DHH: variants seen among roughly 807,000 people sequenced by gnomAD.
DHH encodes the protein desert hedgehog signaling molecule.
Under a neutral mutation model 27.6 loss-of-function variants are expected in DHH, and 16 were observed. The ratio of observed to expected loss-of-function variants is 0.58; its 90% CI spans 0.39 to 0.88. The LOEUF is 0.88. Among genes scored for constraint, DHH ranks in the 40% least tolerant of loss-of-function variants. The pLI is 0.00. For missense variants in DHH, 436 were observed against 563.1 expected (o/e 0.77, Z 2.28); for synonymous variants, 289 against 263.4 (o/e 1.10, Z -0.94).
Position 49,089,068 on chromosome 12 carries a change from G to C in DHH, c.*791C>G, listed in dbSNP as rs2120818057. On this transcript the variant is annotated 3_prime_UTR_variant, in exon 3 of 3. Coordinates refer to ENST00000649637, the MANE Select transcript of DHH (RefSeq NM_021044.4). The stretch of plus-strand genomic sequence containing the variant: ...GGACCAGGACTACTGGCTAACAATA[G>C]GGGACTAGATGCTTTGAGTATCAGT... Among the ~76,000 whole-genome samples, 1 of 152,344 alleles carries C rather than the reference G, an allele frequency of 6.6e-6. No individual in the cohort carries two copies. Among genetic ancestry groups the C allele is most frequent in the African/African-American group, 2.4e-5 (1 of 41,588 alleles).
In DHH at chr12:49,090,600, G is replaced by A; in HGVS notation, c.566-116C>T. On this transcript the variant is annotated intron_variant, in intron 2 of 2. Transcript: ENST00000649637. The surrounding 1 kb of genome is among the most constrained non-coding windows in gnomAD (Gnocchi z 5.2). ...AACACAATTTTCCGTTAATCTGACT[G>A]GCCCCAACCTGGGCAGAAAAGGAAG... The A allele has an allele frequency of 7.2e-7, 1 of 1,389,130 alleles. No individual in the cohort carries two copies. The highest frequency in any genetic ancestry group is 1.3e-5 in the South Asian group (1 of 77,846). 86.1% of individuals were successfully genotyped at this position (1,389,130 alleles called of 1,614,324 possible).
At chr12:49,094,073 C>A (rs974565134) in intron 1 of DHH, 137 bp downstream of exon 1, 13 of 993,196 alleles carry the variant, frequency 1.3e-5, no homozygotes, top group African/African-American at 8.1e-5. Context: ...ATTTTTCCCC[C>A]CCCTGGGGCT....
intron 1 of DHH, chr12:49,092,975 T>C (rs950960396): frequency 1.3e-5 from 2 of 152,170 alleles, no homozygotes; most frequent in Admixed American, 1.3e-4. Flanking sequence ...CCTAACAAAG[T>C]AACCTGGAAA....
rs1027317156 is a variant in DHH, at chr12:49,089,188, C to A, written c.*671G>T. 2.0e-5 allele frequency among the ~76,000 whole-genome samples: 3 copies of A among 152,250 alleles called. No homozygotes were observed. The East Asian group carries it at 5.8e-4, about 29-fold the overall frequency. On this transcript the variant is annotated 3_prime_UTR_variant, in exon 3 of 3. Coordinates refer to ENST00000649637, the MANE Select transcript of DHH (RefSeq NM_021044.4). ...CTGGGACAACCCTGGACCCTTCAGC[C>A]GCAGGAGCGAAATGCTGGTCCTCTC... is the stretch of plus-strand genomic sequence containing the variant.
In DHH at chr12:49,094,695, G is replaced by T; in HGVS notation, c.-183C>A. ...CTGCCCACGTGCCCCGGGAGCGGGC[G>T]GGGGGTGTCTAGGACCTGCTACTGA... On this transcript the variant is annotated 5_prime_UTR_variant, in exon 1 of 3. Coordinates refer to ENST00000649637, the MANE Select transcript of DHH (RefSeq NM_021044.4). The T allele has an allele frequency of 1.3e-6, 1 of 752,282 alleles. No homozygotes were observed. The highest frequency in any genetic ancestry group is 2.2e-6 in the Non-Finnish European group (1 of 448,068). The allele number at this position is 752,282 out of a possible 1,614,324, so 46.6% of individuals were successfully genotyped here.
chr12:49,092,677 G>T, intron 1 of DHH, among the ~76,000 whole-genome samples: 1 of 152,240 alleles, frequency 6.6e-6, no homozygotes, highest in East Asian at 1.9e-4. Context: ...AGGCCCCGAG[G>T]CCCTGACCTG....
chr12:49,091,303 G>A lies in DHH; in HGVS notation c.390C>T (p.Asp130=). ...AATCCTGAGCGTGGTGGCCGTCCTCGTCCCAGCCCTCAGTCACTCGTAGGC... is the reference window on the plus strand; with the variant it reads ...AATCCTGAGCGTGGTGGCCGTCCTCATCCCAGCCCTCAGTCACTCGTAGGC... ...GVRLRVTEGW[D]EDGHHAQDSL... The change falls in exon 2 of 3, where the codon GAC becomes GAT. Residue 130 remains aspartate (D), a synonymous_variant. Transcript: ENST00000649637. This position sits in a 1 kb window ranked among gnomAD's most constrained non-coding sequence, Gnocchi z 4.8. The A allele has an allele frequency of 6.2e-7, 1 of 1,614,184 alleles. No individual in the cohort carries two copies. The highest frequency in any genetic ancestry group is 8.5e-7 in the Non-Finnish European group (1 of 1,180,042).
Position 49,094,430 on chromosome 12 carries a change from C to CCCCGG in DHH, c.78_82dup (p.Gly28AlafsTer73). The CCCCGG allele has an allele frequency of 1.2e-6, 2 of 1,606,078 alleles. No homozygotes were observed. Among genetic ancestry groups the CCCCGG allele is most frequent in the East Asian group, 2.2e-5 (1 of 44,524 alleles). ...CGCATAGCGGCGCCGGCCAACCGGC[C>CCCCGG]CCCGGCCCGGCCCGCAGCTCTGGGC... On this transcript the variant is annotated frameshift_variant, in exon 1 of 3. Coordinates refer to ENST00000649637, the MANE Select transcript of DHH (RefSeq NM_021044.4). LOFTEE classifies it high-confidence loss of function.
Position 49,094,532 on chromosome 12 carries a change from C to A in DHH, c.-20G>T. 3 of 1,550,380 alleles carry A rather than the reference C, an allele frequency of 1.9e-6. No homozygotes were observed. Among genetic ancestry groups the A allele is most frequent in the Non-Finnish European group, 2.6e-6 (3 of 1,147,028 alleles). ...AGCCATGGATACAGCGGACCTCGGCCAAAAGGGAGCGTTCTTGTCCTCACT... is the reference window on the plus strand; with the variant it reads ...AGCCATGGATACAGCGGACCTCGGCAAAAAGGGAGCGTTCTTGTCCTCACT... On this transcript the variant is annotated 5_prime_UTR_variant, in exon 1 of 3. Coordinates refer to ENST00000649637, the MANE Select transcript of DHH (RefSeq NM_021044.4).
rs1419961612 is a variant in DHH, at chr12:49,087,239, T to A, written c.*2620A>T. The stretch of plus-strand genomic sequence containing the variant: ...AGGAGGGGCCTCAAAGGAATAAAGA[T>A]AATAAAGGGAGGAAGTGAGGGTTGA... On this transcript the variant is annotated 3_prime_UTR_variant, in exon 3 of 3. Coordinates refer to ENST00000649637, the MANE Select transcript of DHH (RefSeq NM_021044.4). Among the ~76,000 whole-genome samples, 1 of 151,146 alleles carries A rather than the reference T, an allele frequency of 6.6e-6. No homozygotes were observed. The highest frequency in any genetic ancestry group is 6.6e-5 in the Admixed American group (1 of 15,176).
At position 49,091,404 on chromosome 12, in the gene DHH, A is replaced by T; in HGVS notation, c.304-15T>A. 6.2e-7 allele frequency: 1 copy of T among 1,613,616 alleles called. No individual in the cohort carries two copies. The highest frequency in any genetic ancestry group is 8.5e-7 in the Non-Finnish European group (1 of 1,179,968). On this transcript the variant is annotated splice_polypyrimidine_tract_variant and intron_variant, in intron 1 of 2. Coordinates refer to ENST00000649637, the MANE Select transcript of DHH (RefSeq NM_021044.4). This position sits in a 1 kb window ranked among gnomAD's most constrained non-coding sequence, Gnocchi z 4.8. Reference sequence around the variant, plus strand: ...TCCTTACAACGCTGGCGGGGAATAAAGGAGTCAGTCTCCCCACCACCACCC... The same window carrying T: ...TCCTTACAACGCTGGCGGGGAATAATGGAGTCAGTCTCCCCACCACCACCC...
At position 49,089,792 on chromosome 12, in the gene DHH, A is replaced by C; in HGVS notation, c.*67T>G. 1 of 1,439,476 alleles carries C rather than the reference A, an allele frequency of 6.9e-7. No homozygotes were observed. Among genetic ancestry groups the C allele is most frequent in the South Asian group, 1.5e-5 (1 of 67,292 alleles). The allele number at this position is 1,439,476 out of a possible 1,614,324, so 89.2% of individuals were successfully genotyped here. On this transcript the variant is annotated 3_prime_UTR_variant, in exon 3 of 3. Coordinates refer to ENST00000649637, the MANE Select transcript of DHH (RefSeq NM_021044.4). The stretch of plus-strand genomic sequence containing the variant: ...CCAGTCGGCATCGTCTGCTGCCCAC[A>C]GCCCCATATCTCAGCCAGCAGGCCC...
At position 49,094,296 on chromosome 12, in the gene DHH, G is replaced by T. The variant is rs754182591; in HGVS notation, c.217C>A (p.Arg73Ser). The change falls in exon 1 of 3, where the codon CGC becomes AGC. Residue 73 changes from arginine (R) to serine (S), a missense_variant. Coordinates refer to ENST00000649637, the MANE Select transcript of DHH (RefSeq NM_021044.4). ...AEGRVARGSE[R>S]FRDLVPNYNP... is the part of the protein sequence containing the mutation. Reference sequence around the variant, plus strand: ...TAGTTGGGCACGAGGTCCCGGAAGCGCTCGGAGCCCCTTGCCACCCTCCCC... The same window carrying T: ...TAGTTGGGCACGAGGTCCCGGAAGCTCTCGGAGCCCCTTGCCACCCTCCCC... 3 of 1,613,362 alleles carry T rather than the reference G, an allele frequency of 1.9e-6. No homozygotes were observed. Among genetic ancestry groups the T allele is most frequent in the Non-Finnish European group, 2.5e-6 (3 of 1,179,938 alleles).
Position 49,086,916 on chromosome 12 carries a change from A to G in DHH, c.*2943T>C, listed in dbSNP as rs1253912675. ...GATGCTTTTAGTGGAGTGGTGAGGA[A>G]AGAAGTGATCGGAAGGCAGCAAAGT... On this transcript the variant is annotated 3_prime_UTR_variant, in exon 3 of 3. Coordinates refer to ENST00000649637, the MANE Select transcript of DHH (RefSeq NM_021044.4). Among the ~76,000 whole-genome samples, 2 of 152,202 alleles carry G rather than the reference A, an allele frequency of 1.3e-5. No homozygotes were observed. Among genetic ancestry groups the G allele is most frequent in the Non-Finnish European group, 2.9e-5 (2 of 68,034 alleles).
In DHH at chr12:49,091,241, G is replaced by T. The variant is rs779726733; in HGVS notation, c.452C>A (p.Thr151Lys). Residue 151 changes from threonine to lysine, a missense_variant, in exon 2 of 3, where the codon ACG becomes AAG. By Grantham distance (78) the Thr-to-Lys change is moderately conservative (BLOSUM62 -1). Transcript: ENST00000649637. The surrounding 1 kb of genome is among the most constrained non-coding windows in gnomAD (Gnocchi z 4.8). ...ATACTTGTTGCGGTCGCGGTCAGAC[G>T]TAGTGATGTCCAAAGCACGGCCTTC... Reference protein sequence around the residue: ...HYEGRALDITTSDRDRNKYGL... With the variant: ...HYEGRALDITKSDRDRNKYGL... 1.2e-6 allele frequency: 2 copies of T among 1,614,232 alleles called. No homozygotes were observed. The highest frequency in any genetic ancestry group is 1.7e-6 in the Non-Finnish European group (2 of 1,180,044).
Position 49,089,631 on chromosome 12 carries a change from C to G in DHH, c.*228G>C. 1 of 421,230 alleles carries G rather than the reference C, an allele frequency of 2.4e-6. No individual in the cohort carries two copies. The highest frequency in any genetic ancestry group is 4.1e-6 in the Non-Finnish European group (1 of 242,176). The allele number at this position is 421,230 out of a possible 1,614,324, so 26.1% of individuals were successfully genotyped here. A position where few individuals can be genotyped will look rare whatever the true frequency, so the allele number is the denominator to read the frequency against. ...TGGGGCTGAAGCACTGGGGGAGAGG[C>G]TAAATAGTCCTCTTTAAGGAGTGCG... On this transcript the variant is annotated 3_prime_UTR_variant, in exon 3 of 3. Transcript: ENST00000649637.
At chr12:49,094,063 A>AT (rs1191361967) in intron 1 of DHH, 147 bp downstream of exon 1, 7 of 908,494 alleles carry the variant, frequency 7.7e-6, no homozygotes, top group African/African-American at 6.7e-5. Flanking sequence ...GACTGCAAGG[A>AT]TTTTTCCCCC....
Position 49,090,417 on chromosome 12 carries a change from G to T in DHH, c.633C>A (p.Gly211=). ...GCAGTTCCCGCAGCCCTTTCCGCTCGCCGCTCCACAGGCGCACAGTTGCAT... is the reference window on the plus strand; with the variant it reads ...GCAGTTCCCGCAGCCCTTTCCGCTCTCCGCTCCACAGGCGCACAGTTGCAT... ...PGNATVRLWS[G]ERKGLRELHR... Residue 211 remains glycine (G), a synonymous_variant, in exon 3 of 3, where the codon GGC becomes GGA. Coordinates refer to ENST00000649637, the MANE Select transcript of DHH (RefSeq NM_021044.4). The surrounding 1 kb of genome is among the most constrained non-coding windows in gnomAD (Gnocchi z 5.2). 1.2e-6 allele frequency: 2 copies of T among 1,609,332 alleles called. No homozygotes were observed. The highest frequency in any genetic ancestry group is 2.7e-5 in the African/African-American group (2 of 75,016).
chr12:49,093,999 C>A (rs1233230894), intron 1 of DHH, among the ~76,000 whole-genome samples: 1 of 152,218 alleles, frequency 6.6e-6, no homozygotes, highest in African/African-American at 2.4e-5. Context: ...AGTCCCTCCT[C>A]CCCTCCCCAT....
Sources: allele counts gnomAD v4.1 joint callset (sites outside exome capture counted in the v4.1 genomes callset), GRCh38; gene constraint gnomAD v4.1.1; non-coding constraint Gnocchi (gnomAD v3.1); transcripts MANE v1.5; gene names NCBI Gene and HGNC (gene_info 2026-07-23, HGNC 2026-07-21).